Variants in ERI1 observed in about 807,000 individuals in gnomAD.
ERI1 encodes 3'-5' exoribonuclease 1.
Under a neutral mutation model 39.7 loss-of-function variants are expected in ERI1, and 39 were observed. The ratio of observed to expected loss-of-function variants is 0.98; its 90% CI spans 0.76 to 1.28. The LOEUF (loss-of-function observed/expected upper bound fraction) is 1.28. Among genes scored for constraint, ERI1 ranks in the 50% most tolerant of loss-of-function variants. ERI1 has a pLI of 0.00. For missense variants in ERI1, 581 were observed against 416.9 expected, an observed-to-expected ratio of 1.39 and a Z score of -3.43; for synonymous variants, 204 against 149.6, an observed-to-expected ratio of 1.36 and a Z score of -2.65.
chr8:9,027,153 G>GTGTGTA (rs1554519685), intron 6 of ERI1, among the ~76,000 whole-genome samples: 124 of 140,842 alleles, frequency 8.8e-4, no homozygotes, highest in African/African-American at 2.8e-3. Context: ...GTGTGTATGT[G>GTGTGTA]TGTGTGTGTG....
intron 3 of ERI1, among the ~76,000 whole-genome samples, chr8:9,058,905 A>T (rs1276610900): frequency 6.6e-6 from 1 of 152,182 alleles, no homozygotes; most frequent in Non-Finnish European, 1.5e-5. Flanking sequence ...GTCTCATACA[A>T]ACCAACTTTC....
At chr8:9,075,543 T>C (rs551262983) in intron 3 of ERI1, among the ~76,000 whole-genome samples, 6 of 151,866 alleles carry the variant, frequency 4.0e-5, no homozygotes, top group Middle Eastern at 3.4e-3. Context: ...TTACATGGAA[T>C]AGCACTGACC....
At chr8:9,023,161 G>GT (rs1030803557) in intron 6 of ERI1, among the ~76,000 whole-genome samples, 17 of 151,640 alleles carry the variant, frequency 1.1e-4, no homozygotes, top group Non-Finnish European at 1.8e-4. Context: ...CATCTCTTTA[G>GT]TTTTTTTTAA....
chr8:9,068,768 G>A (rs1425580094), intron 3 of ERI1, among the ~76,000 whole-genome samples: 3 of 152,222 alleles, frequency 2.0e-5, no homozygotes, highest in Middle Eastern at 3.4e-3. Context: ...GTTCACCTGC[G>A]TACCTTGAGT....
chr8:9,013,373 C>G (rs1012700673), intron 3 of ERI1, among the ~76,000 whole-genome samples: 15 of 150,884 alleles, frequency 9.9e-5, no homozygotes, highest in Non-Finnish European at 1.6e-4. Flanking sequence ...CTTGAATACT[C>G]TTTCCTTGGA....
intron 3 of ERI1, among the ~76,000 whole-genome samples, chr8:9,057,045 C>G (rs994337423): frequency 2.2e-4 from 34 of 152,178 alleles, no homozygotes. Flanking sequence ...GTTGGCCAGG[C>G]TGATCTGAAA....
chr8:9,066,221 A>G (rs1000926558), intron 3 of ERI1, among the ~76,000 whole-genome samples: 10 of 150,880 alleles, frequency 6.6e-5, no homozygotes, highest in Admixed American at 4.0e-4. Context: ...TCATCTCCCC[A>G]TTTTCTTCAT....
intron 3 of ERI1, among the ~76,000 whole-genome samples, chr8:9,014,326 C>T (rs1287991077): frequency 6.6e-6 from 1 of 152,138 alleles, no homozygotes; most frequent in Non-Finnish European, 1.5e-5. Flanking sequence ...TTTTTCCTTC[C>T]AGTCCTTCCT....
At position 9,031,672 on chromosome 8, in the gene ERI1, C is replaced by T. The variant is rs2117312623; in HGVS notation, c.*1638C>T. On this transcript the variant is annotated 3_prime_UTR_variant, in exon 7 of 7. Coordinates refer to ENST00000250263, the MANE Select transcript of ERI1 (RefSeq NM_153332.4). ...TAGCTCTATCTGCTAATTTCTTTGC[C>T]TGTTTTCACTTTCGCCAAGTACCAA... 6.6e-6 allele frequency: 1 copy of T among 152,264 alleles called. No homozygotes were observed. Among genetic ancestry groups the T allele is most frequent in the East Asian group, 1.9e-4 (1 of 5,188 alleles). The allele number at this position is 152,264 out of a possible 1,614,324, so 9.4% of individuals were successfully genotyped here.
intron 3 of ERI1, among the ~76,000 whole-genome samples, chr8:9,040,731 G>GT (rs1554523421): frequency 4.4e-4 from 48 of 109,484 alleles, no homozygotes; most frequent in Admixed American, 6.7e-4. Flanking sequence ...TGTGTGTGTG[G>GT]GGGGGGGGTG....
intron 3 of ERI1, among the ~76,000 whole-genome samples, chr8:9,084,069 A>C (rs1360094735): frequency 6.6e-6 from 1 of 152,148 alleles, no homozygotes; most frequent in African/African-American, 2.4e-5. Context: ...CTGGGATTAC[A>C]GGCGTGAGCC....
At chr8:9,061,936 C>G (rs1343396116) in intron 3 of ERI1, among the ~76,000 whole-genome samples, 2 of 151,848 alleles carry the variant, frequency 1.3e-5, no homozygotes, top group African/African-American at 4.8e-5. Flanking sequence ...AGATCCAGAA[C>G]AGAATAATGG....
chr8:9,041,650 A>C (rs1052440134), intron 3 of ERI1, among the ~76,000 whole-genome samples: 2 of 152,204 alleles, frequency 1.3e-5, no homozygotes, highest in African/African-American at 2.4e-5. Flanking sequence ...AAATAGAAAC[A>C]CAGTGTACCA....
At chr8:9,089,198 A>G (rs918658095) in intron 3 of ERI1, among the ~76,000 whole-genome samples, 8 of 152,178 alleles carry the variant, frequency 5.3e-5, no homozygotes, top group Admixed American at 4.6e-4. Context: ...TGCCTGTAAA[A>G]CATATAGGCC....
chr8:9,027,104 C>T (rs190432378), intron 6 of ERI1, among the ~76,000 whole-genome samples: 87 of 151,510 alleles, frequency 5.7e-4, no homozygotes, highest in Non-Finnish European at 9.9e-4. Flanking sequence ...GTACTACATT[C>T]TCCACATCTC....
chr8:9,045,316 A>G (rs1798142178), intron 3 of ERI1, among the ~76,000 whole-genome samples: 1 of 151,690 alleles, frequency 6.6e-6, no homozygotes, highest in Non-Finnish European at 1.5e-5. Flanking sequence ...GACTGGTTCT[A>G]CAGCCAGTGC....
chr8:9,089,252 T>C (rs1799629402), intron 3 of ERI1, among the ~76,000 whole-genome samples: 1 of 152,194 alleles, frequency 6.6e-6, no homozygotes, highest in Admixed American at 6.5e-5. Context: ...ATTCTCACCT[T>C]CTTTAATTTA....
Position 9,003,752 on chromosome 8 carries a change from C to T in ERI1, c.108+581C>T, listed in dbSNP as rs796609969. Among the ~76,000 whole-genome samples the T allele has an allele frequency of 5.9e-5, 9 of 152,296 alleles. 1 individual carries two copies. The highest frequency in any genetic ancestry group is 2.2e-4 in the African/African-American group (9 of 41,566). The stretch of plus-strand genomic sequence containing the variant: ...TACAGTGGCAAAGTTGTAGAACAGT[C>T]TTAAAACTTATTTAACGAATGTTAA... On this transcript the variant is annotated intron_variant, in intron 1 of 6. Coordinates refer to ENST00000250263, the MANE Select transcript of ERI1 (RefSeq NM_153332.4).
At chr8:9,051,687 A>C (rs1201091453) in intron 3 of ERI1, among the ~76,000 whole-genome samples, 2 of 150,772 alleles carry the variant, frequency 1.3e-5, no homozygotes, top group Non-Finnish European at 2.9e-5. Flanking sequence ...CGACTAAGGG[A>C]AACGCCTTCC....
Sources: allele counts gnomAD v4.1 joint callset (sites outside exome capture counted in the v4.1 genomes callset), GRCh38; gene constraint gnomAD v4.1.1; transcripts MANE v1.5; gene names NCBI Gene and HGNC (gene_info 2026-07-23, HGNC 2026-07-21).